GNE: variants seen among roughly 807,000 people sequenced by gnomAD.
GNE encodes glucosamine (UDP-N-acetyl)-2-epimerase/N-acetylmannosamine kinase.
Under a neutral mutation model 61.8 loss-of-function variants are expected in GNE, and 41 were observed. The ratio of observed to expected loss-of-function variants is 0.66; its 90% CI spans 0.52 to 0.86. The LOEUF (loss-of-function observed/expected upper bound fraction) is 0.86. Among genes scored for constraint, GNE ranks in the 40% least tolerant of loss-of-function variants. The probability of loss-of-function intolerance (pLI) is 0.00; values close to 1 mark genes in which losing one functional copy is unlikely to be tolerated. For missense variants in GNE, 608 were observed against 909.1 expected (o/e 0.67, Z 4.26); for synonymous variants, 264 against 326.4 (o/e 0.81, Z 2.06).
At chr9:36,275,772 A>G (rs1228677142) in intron 1 of GNE, among the ~76,000 whole-genome samples, 1 of 152,242 alleles carries the variant, frequency 6.6e-6, no homozygotes, top group East Asian at 1.9e-4. Flanking sequence ...AAAAATAAAA[A>G]TAATAAATTC....
chr9:36,232,513 C>T (rs1246165611), intron 5 of GNE, among the ~76,000 whole-genome samples: 7 of 152,190 alleles, frequency 4.6e-5, no homozygotes, highest in African/African-American at 1.4e-4. Flanking sequence ...GCCTCTTGCT[C>T]ACTACTCTAC....
At chr9:36,259,440 C>G (rs572892580), upstream of GNE, among the ~76,000 whole-genome samples, 1 of 152,228 alleles carries the variant, frequency 6.6e-6, no homozygotes, top group South Asian at 2.1e-4. Context: ...GAAACTAAGT[C>G]TAACAGTTCA....
rs1308067026 is a variant in GNE, at chr9:36,216,978, G to T, written c.*387C>A. The T allele has an allele frequency of 9.6e-6, 3 of 312,668 alleles. No individual in the cohort carries two copies. The highest frequency in any genetic ancestry group is 1.9e-5 in the Non-Finnish European group (3 of 161,406). The allele number at this position is 312,668 out of a possible 1,614,324, so 19.4% of individuals were successfully genotyped here. A position where few individuals can be genotyped will look rare whatever the true frequency, so the allele number is the denominator to read the frequency against. On this transcript the variant is annotated 3_prime_UTR_variant, in exon 12 of 12. Transcript: ENST00000642385. ...TGAGCCACTGTGCCCGGCCTGGAAG[G>T]ATTATTAATGCAAACTTCAGGATGA... is the stretch of plus-strand genomic sequence containing the variant.
intron 9 of GNE, among the ~76,000 whole-genome samples, chr9:36,220,312 C>T (rs1470771574): frequency 6.6e-6 from 1 of 152,114 alleles, no homozygotes; most frequent in Non-Finnish European, 1.5e-5. Context: ...GGTAGCAGAC[C>T]CCCTGGCCCA....
chr9:36,258,729 T>G (rs1277324345), upstream of GNE, among the ~76,000 whole-genome samples: 1 of 152,252 alleles, frequency 6.6e-6, no homozygotes, highest in African/African-American at 2.4e-5. Flanking sequence ...ACACACGCAC[T>G]GAAGCCCGAG....
chr9:36,269,909 A>G (rs1037295075), intron 1 of GNE, among the ~76,000 whole-genome samples: 4 of 151,998 alleles, frequency 2.6e-5, no homozygotes, highest in African/African-American at 9.7e-5. Flanking sequence ...TGATCCGCCC[A>G]TCTTGGCCTC....
At chr9:36,276,856 T>G in intron 1 of GNE, 1 of 1,493,294 alleles carries the variant, frequency 6.7e-7, no homozygotes, top group South Asian at 1.2e-5. Context: ...TGATTGCAAT[T>G]TCAATAATAA....
chr9:36,257,720 G>T (rs1374196123), intron 1 of GNE, among the ~76,000 whole-genome samples: 1 of 143,562 alleles, frequency 7.0e-6, no homozygotes, highest in African/African-American at 2.6e-5. Flanking sequence ...GGAGAATGGC[G>T]TGAACCTGGG....
chr9:36,249,049 A>G, intron 2 of GNE, 143 bp downstream of exon 2: 1 of 687,244 alleles, frequency 1.5e-6, no homozygotes, highest in Non-Finnish European at 2.6e-6. Context: ...ACTGAGGCTC[A>G]GAGATGCTAA....
intron 9 of GNE, among the ~76,000 whole-genome samples, chr9:36,221,244 CT>C (rs1828573160): frequency 1.3e-5 from 2 of 152,170 alleles, no homozygotes; most frequent in Admixed American, 6.5e-5. Flanking sequence ...TCACTTGAAT[CT>C]GGGAGGCAGT....
chr9:36,233,666 CAAA>C (rs34150061), intron 5 of GNE, among the ~76,000 whole-genome samples: 1 of 145,484 alleles, frequency 6.9e-6, no homozygotes, highest in Non-Finnish European at 1.5e-5. Context: ...GACTCCATCT[CAAA>C]AAAAAAAAAA....
chr9:36,264,183 AGTGCAGTG>A, intron 1 of GNE, among the ~76,000 whole-genome samples: 1 of 152,056 alleles, frequency 6.6e-6, no homozygotes, highest in East Asian at 1.9e-4. Context: ...CCCAGGCTTG[AGTGCAGTG>A]GTGCTATCTT....
At chr9:36,226,545 A>T (rs1471224418) in intron 7 of GNE, among the ~76,000 whole-genome samples, 1 of 152,092 alleles carries the variant, frequency 6.6e-6, no homozygotes, top group Non-Finnish European at 1.5e-5. Context: ...TGAGAAAATT[A>T]TGTTTTGTTT....
chr9:36,258,589 G>C (rs893630468), upstream of GNE: 1 of 887,396 alleles, frequency 1.1e-6, no homozygotes, highest in African/African-American at 1.8e-5. Context: ...CACCTTCCCG[G>C]CGGTATTTTG....
intron 1 of GNE, among the ~76,000 whole-genome samples, chr9:36,272,737 A>G (rs1489203600): frequency 3.3e-5 from 5 of 151,558 alleles, no homozygotes; most frequent in Admixed American, 3.3e-4. Context: ...CTAAAGTGGT[A>G]ATAATGGAAA....
chr9:36,256,102 T>G lies in GNE; in HGVS notation c.-43+2219A>C, dbSNP rs1357594248. On this transcript the variant is annotated intron_variant, in intron 1 of 11. Transcript: ENST00000642385. Reference sequence around the variant, plus strand: ...ACCATGCCCAGCTAATTTTTTTGTATTTTTAGTAGAGGTGGGGTTTCACCA... The same window carrying G: ...ACCATGCCCAGCTAATTTTTTTGTAGTTTTAGTAGAGGTGGGGTTTCACCA... Among the ~76,000 whole-genome samples, 3 of 152,034 alleles carry G rather than the reference T, an allele frequency of 2.0e-5. No homozygotes were observed. The East Asian group carries it at 5.8e-4, about 29-fold the overall frequency.
chr9:36,218,389 G>C lies in GNE; in HGVS notation c.1817-90C>G. The C allele has an allele frequency of 1.2e-6, 1 of 865,886 alleles. No homozygotes were observed. Among genetic ancestry groups the C allele is most frequent in the Non-Finnish European group, 2.0e-6 (1 of 507,166 alleles). 53.6% of individuals were successfully genotyped at this position (865,886 alleles called of 1,614,324 possible). A position where few individuals can be genotyped will look rare whatever the true frequency, so the allele number is the denominator to read the frequency against. On this transcript the variant is annotated intron_variant, in intron 10 of 11. Transcript: ENST00000642385. This position sits in a 1 kb window ranked among gnomAD's most constrained non-coding sequence, Gnocchi z 4.1. ...GCCTGTGGAAAGCAAGCCCCTACAT[G>C]GGAAGACGGTGTTTTCTTTTCACAA...
At chr9:36,225,817 A>C (rs548713074) in intron 7 of GNE, among the ~76,000 whole-genome samples, 2 of 152,334 alleles carry the variant, frequency 1.3e-5, no homozygotes, top group African/African-American at 4.8e-5. Flanking sequence ...AAAAATCTAG[A>C]GTAGTGCTTC....
At chr9:36,251,447 A>G (rs1478487074) in intron 1 of GNE, among the ~76,000 whole-genome samples, 3 of 152,128 alleles carry the variant, frequency 2.0e-5, no homozygotes, top group Admixed American at 6.6e-5. Flanking sequence ...GGATCTTGCT[A>G]TGTTGCCCAA....
Sources: allele counts gnomAD v4.1 joint callset (sites outside exome capture counted in the v4.1 genomes callset), GRCh38; gene constraint gnomAD v4.1.1; non-coding constraint Gnocchi (gnomAD v3.1); transcripts MANE v1.5; gene names NCBI Gene and HGNC (gene_info 2026-07-23, HGNC 2026-07-21).